Variants in CENPW observed in about 807,000 individuals in gnomAD.
The protein encoded by CENPW is centromere protein W, also known as cancer-up-regulated gene 2 protein.
Under a neutral mutation model 11.1 loss-of-function variants are expected in CENPW, and 3 were observed. The ratio of observed to expected loss-of-function variants is 0.27; its 90% CI spans 0.12 to 0.70. CENPW has a LOEUF of 0.70. Ranked by LOEUF, CENPW falls within the 30% of genes least tolerant of loss-of-function variation. CENPW has a pLI of 0.77. For synonymous variants in CENPW, 38 were observed against 42.0 expected, an observed-to-expected ratio of 0.91 and a Z score of 0.37; for missense variants, 100 against 105.6, an observed-to-expected ratio of 0.95 and a Z score of 0.23.
the CENPW span, among the ~76,000 whole-genome samples, chr6:126,467,430 C>G: frequency 1.3e-5 from 2 of 151,834 alleles, no homozygotes; most frequent in African/African-American, 4.8e-5. Flanking sequence ...GGGAAAACTA[C>G]GAAGTAAGGA....
At chr6:126,374,503 C>T in the CENPW span, among the ~76,000 whole-genome samples, 1 of 152,288 alleles carries the variant, frequency 6.6e-6, no homozygotes, top group East Asian at 1.9e-4. Flanking sequence ...AAAAGACAGG[C>T]ATAGACATGG....
At chr6:126,365,411 A>G in the CENPW span, among the ~76,000 whole-genome samples, 1 of 152,190 alleles carries the variant, frequency 6.6e-6, no homozygotes, top group Non-Finnish European at 1.5e-5. Context: ...ACTTACAATC[A>G]TGGCGGAAGC....
the CENPW span, among the ~76,000 whole-genome samples, chr6:126,373,012 G>A: frequency 1.3e-5 from 2 of 152,144 alleles, no homozygotes; most frequent in Non-Finnish European, 2.9e-5. Context: ...AAATCTCAAA[G>A]TAATTATATT....
the CENPW span, among the ~76,000 whole-genome samples, chr6:126,462,075 T>C: frequency 5.9e-5 from 9 of 151,958 alleles, no homozygotes; most frequent in African/African-American, 1.2e-4. Context: ...ATTGAAAACA[T>C]TGATAGAGTG....
At chr6:126,347,875 C>T (rs1212675864) in intron 2 of CENPW, among the ~76,000 whole-genome samples, 1 of 151,824 alleles carries the variant, frequency 6.6e-6, no homozygotes, top group Non-Finnish European at 1.5e-5. Flanking sequence ...CTAAAAATCT[C>T]CTTTTTTTAT....
At chr6:126,396,641 A>G in the CENPW span, among the ~76,000 whole-genome samples, 1 of 151,960 alleles carries the variant, frequency 6.6e-6, no homozygotes, top group Non-Finnish European at 1.5e-5. Flanking sequence ...CATATCCAGC[A>G]TAGTTGGGAA....
chr6:126,467,808 T>A, the CENPW span, among the ~76,000 whole-genome samples: 2 of 152,150 alleles, frequency 1.3e-5, no homozygotes, highest in African/African-American at 4.8e-5. Flanking sequence ...TGTAGTTTTA[T>A]AGTGGAGAAG....
the CENPW span, among the ~76,000 whole-genome samples, chr6:126,455,623 G>T: frequency 3.3e-5 from 5 of 151,268 alleles, no homozygotes; most frequent in Non-Finnish European, 7.4e-5. Flanking sequence ...ATACTGAGTG[G>T]GGAAAAGCTG....
the CENPW span, among the ~76,000 whole-genome samples, chr6:126,407,386 A>T: frequency 6.6e-6 from 1 of 152,284 alleles, no homozygotes; most frequent in Non-Finnish European, 1.5e-5. Context: ...ATAGTGCTTC[A>T]ATGAACATAC....
At chr6:126,475,543 C>A in the CENPW span, among the ~76,000 whole-genome samples, 113 of 151,880 alleles carry the variant, frequency 7.4e-4, no homozygotes, top group Non-Finnish European at 1.4e-3. Context: ...CAAACTATAA[C>A]CTAGGTAAAA....
At chr6:126,358,706 C>T in the CENPW span, among the ~76,000 whole-genome samples, 1 of 152,044 alleles carries the variant, frequency 6.6e-6, no homozygotes, top group African/African-American at 2.4e-5. Context: ...TGGTATCAGA[C>T]TGATGCTGGC....
chr6:126,407,072 C>T, the CENPW span, among the ~76,000 whole-genome samples: 1 of 152,120 alleles, frequency 6.6e-6, no homozygotes, highest in Non-Finnish European at 1.5e-5. Flanking sequence ...AGCTATTCTT[C>T]CTGATGCTAT....
At chr6:126,401,554 C>T in the CENPW span, among the ~76,000 whole-genome samples, 1 of 151,840 alleles carries the variant, frequency 6.6e-6, no homozygotes, top group Non-Finnish European at 1.5e-5. Flanking sequence ...TGGTATTTCC[C>T]ACAGGAGCAG....
chr6:126,416,825 G>A, the CENPW span, among the ~76,000 whole-genome samples: 1 of 152,336 alleles, frequency 6.6e-6, no homozygotes, highest in Non-Finnish European at 1.5e-5. Context: ...TTTGCTGCAG[G>A]ATCAGGGGTC....
At chr6:126,370,461 G>C in the CENPW span, among the ~76,000 whole-genome samples, 1 of 152,076 alleles carries the variant, frequency 6.6e-6, no homozygotes, top group Non-Finnish European at 1.5e-5. Flanking sequence ...AGTTTTCCTT[G>C]TAGAGGTCTT....
At chr6:126,394,519 T>C in the CENPW span, among the ~76,000 whole-genome samples, 1 of 152,122 alleles carries the variant, frequency 6.6e-6, no homozygotes, top group Admixed American at 6.6e-5. Flanking sequence ...GTTATTATTT[T>C]TGATCATTTA....
chr6:126,369,802 GTTGCAT>G, the CENPW span, among the ~76,000 whole-genome samples: 2 of 152,064 alleles, frequency 1.3e-5, no homozygotes, highest in African/African-American at 4.8e-5. Context: ...ATTTATCTTT[GTTGCAT>G]TTGCATTTGC....
the CENPW span, among the ~76,000 whole-genome samples, chr6:126,462,934 T>C: frequency 6.6e-6 from 1 of 152,004 alleles, no homozygotes; most frequent in Non-Finnish European, 1.5e-5. Flanking sequence ...ATTTTGCAAA[T>C]TAGGATATTG....
chr6:126,473,720 A>ATCTC, the CENPW span, among the ~76,000 whole-genome samples: 42 of 142,630 alleles, frequency 2.9e-4, no homozygotes, highest in South Asian at 6.6e-4. Context: ...ACGAGAGTGA[A>ATCTC]TCTCTCTCTC....
Sources: allele counts gnomAD v4.1 joint callset (sites outside exome capture counted in the v4.1 genomes callset), GRCh38; gene constraint gnomAD v4.1.1; transcripts MANE v1.5; gene names NCBI Gene and HGNC (gene_info 2026-07-23, HGNC 2026-07-21).